Variants in SAMD5 observed in about 807,000 individuals in gnomAD.
SAMD5 encodes sterile alpha motif domain containing 5, also known as sterile alpha motif domain-containing protein 5.
A neutral mutation model predicts 11.3 loss-of-function variants in SAMD5; 13 were observed. The observed-to-expected ratio is 1.15, with a 90% CI of 0.75 to 1.83. The LOEUF (loss-of-function observed/expected upper bound fraction) is 1.83, where lower values mean the gene tolerates loss of function less well. Among genes scored for constraint, SAMD5 ranks in the 40% most tolerant of loss-of-function variants. SAMD5 has a pLI of 0.00. For missense variants in SAMD5, 255 were observed against 239.1 expected (o/e 1.07, Z -0.44); for synonymous variants, 129 against 111.3 (o/e 1.16, Z -1.00).
intron 1 of SAMD5, among the ~76,000 whole-genome samples, chr6:147,661,518 C>T (rs1335797036): frequency 6.6e-6 from 1 of 152,150 alleles, no homozygotes; most frequent in Non-Finnish European, 1.5e-5. Flanking sequence ...CAAATGAATA[C>T]CCATCGTTTA....
At chr6:147,575,242 T>C (rs1366523418) in intron 1 of SAMD5, among the ~76,000 whole-genome samples, 5 of 152,246 alleles carry the variant, frequency 3.3e-5, no homozygotes, top group Admixed American at 2.6e-4. Context: ...CAGGGAGGCA[T>C]TGCTAAAGTA....
chr6:147,531,160 T>G (rs1330294885), intron 1 of SAMD5, among the ~76,000 whole-genome samples: 2 of 149,882 alleles, frequency 1.3e-5, no homozygotes, highest in African/African-American at 4.9e-5. Context: ...TAAAAGTTTT[T>G]TTTTTTTTTT....
chr6:147,723,449 T>G (rs2128459415), intron 1 of SAMD5, among the ~76,000 whole-genome samples: 1 of 152,268 alleles, frequency 6.6e-6, no homozygotes. Flanking sequence ...AGCTTAAGGC[T>G]TTTTCTTCAC....
intron 1 of SAMD5, among the ~76,000 whole-genome samples, chr6:147,646,831 A>T (rs2128452949): frequency 6.6e-6 from 1 of 152,128 alleles, no homozygotes; most frequent in Non-Finnish European, 1.5e-5. Flanking sequence ...CAGATAAAAG[A>T]AAATGTTATT....
At chr6:147,554,885 G>C (rs748283853) in intron 1 of SAMD5, among the ~76,000 whole-genome samples, 4 of 152,150 alleles carry the variant, frequency 2.6e-5, no homozygotes, top group African/African-American at 4.8e-5. Flanking sequence ...CCGTCCCCAA[G>C]GCCCTTTCAG....
chr6:147,515,746 G>A (rs1013476670), intron 1 of SAMD5, among the ~76,000 whole-genome samples: 5 of 152,060 alleles, frequency 3.3e-5, no homozygotes, highest in Admixed American at 6.5e-5. Flanking sequence ...AATGCCTGAT[G>A]TATAATAGTT....
the SAMD5 span, among the ~76,000 whole-genome samples, chr6:147,906,272 C>T: frequency 6.6e-6 from 1 of 152,144 alleles, no homozygotes; most frequent in Non-Finnish European, 1.5e-5. Flanking sequence ...GCCTGGAGCT[C>T]AGCCTCAGAC....
intron 1 of SAMD5, among the ~76,000 whole-genome samples, chr6:147,558,644 T>C (rs371853633): frequency 2.0e-5 from 3 of 152,228 alleles, no homozygotes; most frequent in African/African-American, 7.2e-5. Flanking sequence ...TCATGGGCTC[T>C]TCTGCAGGTA....
chr6:147,864,189 T>A, the SAMD5 span, among the ~76,000 whole-genome samples: 2 of 152,104 alleles, frequency 1.3e-5, no homozygotes, highest in African/African-American at 4.8e-5. Context: ...CACCTATGTG[T>A]GTGGAGTAAC....
chr6:147,901,423 T>A, the SAMD5 span, among the ~76,000 whole-genome samples: 1 of 134,862 alleles, frequency 7.4e-6, no homozygotes, highest in Admixed American at 7.6e-5. Context: ...CAATTTGGTA[T>A]GGTTACATAA....
chr6:147,869,147 C>A, the SAMD5 span, among the ~76,000 whole-genome samples: 1 of 152,182 alleles, frequency 6.6e-6, no homozygotes, highest in Non-Finnish European at 1.5e-5. Flanking sequence ...AAAGAAATTT[C>A]TCTGATTAAG....
chr6:147,571,700 A>G (rs1254629916), downstream of SAMD5, among the ~76,000 whole-genome samples: 1 of 152,224 alleles, frequency 6.6e-6, no homozygotes, highest in Non-Finnish European at 1.5e-5. Context: ...AGCTCAATCA[A>G]TTTAACTTCA....
At chr6:147,759,637 AC>A in the SAMD5 span, among the ~76,000 whole-genome samples, 49 of 151,418 alleles carry the variant, frequency 3.2e-4, no homozygotes, top group Non-Finnish European at 5.3e-4. Context: ...GAAAATAAAA[AC>A]TGCCAACTTC....
the SAMD5 span, among the ~76,000 whole-genome samples, chr6:147,847,696 T>G: frequency 6.6e-6 from 1 of 151,896 alleles, no homozygotes. Context: ...CTACTAAAAA[T>G]ACAAAAACCA....
intron 1 of SAMD5, among the ~76,000 whole-genome samples, chr6:147,524,132 T>C (rs748289069): frequency 6.6e-6 from 1 of 152,146 alleles, no homozygotes; most frequent in Non-Finnish European, 1.5e-5. Context: ...GCTAGTGTAT[T>C]TCTCTCTCTC....
the SAMD5 span, among the ~76,000 whole-genome samples, chr6:147,858,951 A>T: frequency 1.3e-5 from 2 of 152,192 alleles, no homozygotes; most frequent in African/African-American, 4.8e-5. Context: ...CAACACCATA[A>T]TAAGTACAAT....
chr6:147,601,953 T>TA (rs1419004116), intron 1 of SAMD5, among the ~76,000 whole-genome samples: 1 of 152,186 alleles, frequency 6.6e-6, no homozygotes, highest in Non-Finnish European at 1.5e-5. Context: ...TCGATTGTCC[T>TA]AAAAGAAGGG....
the SAMD5 span, among the ~76,000 whole-genome samples, chr6:147,792,296 T>A: frequency 6.6e-6 from 1 of 152,156 alleles, no homozygotes; most frequent in Non-Finnish European, 1.5e-5. Flanking sequence ...AGTATAATAA[T>A]GTACTAAAAT....
chr6:147,560,738 T>C (rs1788934423), intron 1 of SAMD5, among the ~76,000 whole-genome samples: 1 of 152,188 alleles, frequency 6.6e-6, no homozygotes, highest in Non-Finnish European at 1.5e-5. Flanking sequence ...AACCATAGGA[T>C]AATAGTTTCT....
Sources: allele counts gnomAD v4.1 joint callset (sites outside exome capture counted in the v4.1 genomes callset), GRCh38; gene constraint gnomAD v4.1.1; transcripts MANE v1.5; gene names NCBI Gene and HGNC (gene_info 2026-07-23, HGNC 2026-07-21).